SDAD1: variants seen among roughly 807,000 people sequenced by gnomAD.
SDAD1 encodes protein SDA1 homolog.
SDAD1 carries 79 observed loss-of-function variants against 100.3 expected under a neutral mutation model. The observed-to-expected ratio is 0.79, with a 90% CI of 0.66 to 0.95. The LOEUF is 0.95. Among genes scored for constraint, SDAD1 ranks in the 40% least tolerant of loss-of-function variants. The pLI, the probability that SDAD1 is intolerant of heterozygous loss-of-function variation, is 0.00. For synonymous variants in SDAD1, 267 were observed against 271.4 expected (o/e 0.98, Z 0.16); for missense variants, 790 against 810.9 (o/e 0.97, Z 0.31).
Position 75,965,749 on chromosome 4 carries a change from G to A in SDAD1, c.1104+15C>T, listed in dbSNP as rs1173494387. The A allele has an allele frequency of 2.5e-6, 4 of 1,610,804 alleles. No homozygotes were observed. Among genetic ancestry groups the A allele is most frequent in the Middle Eastern group, 1.7e-4 (1 of 6,052 alleles). The stretch of plus-strand genomic sequence containing the variant: ...TCCATGCCCTAGGTCCAGAAGTCAG[G>A]TTACAGGTTCTCACCTCTGGGGGTA... On this transcript the variant is annotated intron_variant, in intron 13 of 21. Transcript: ENST00000356260.
intron 9 of SDAD1, among the ~76,000 whole-genome samples, 153 bp downstream of exon 9, chr4:75,971,204 T>C (rs895792079): frequency 1.1e-4 from 17 of 152,224 alleles, no homozygotes; most frequent in African/African-American, 4.1e-4. Flanking sequence ...AATACATTTA[T>C]TCATCTAAAA....
intron 1 of SDAD1, among the ~76,000 whole-genome samples, chr4:75,983,712 C>CA (rs1730692770): frequency 1.3e-5 from 2 of 152,074 alleles, no homozygotes; most frequent in African/African-American, 4.8e-5. Flanking sequence ...GGATAGATTG[C>CA]AAAAATTTTC....
intron 12 of SDAD1, among the ~76,000 whole-genome samples, chr4:75,966,117 G>C (rs1729523832): frequency 1.3e-5 from 2 of 151,948 alleles, no homozygotes; most frequent in African/African-American, 4.8e-5. Context: ...ATCTTTACCT[G>C]GACATATTAT....
rs979774835 is a variant in SDAD1, at chr4:75,966,370, G to A, written c.1046-548C>T. ...GTAACAAACAAGGCCACTGGCAAAA[G>A]AAGTGAGGTGAATCCTGATTTTCCA... On this transcript the variant is annotated intron_variant, in intron 12 of 21. Coordinates refer to ENST00000356260, the MANE Select transcript of SDAD1 (RefSeq NM_018115.4). Among the ~76,000 whole-genome samples the A allele has an allele frequency of 2.0e-5, 3 of 151,606 alleles. No individual in the cohort carries two copies. In the East Asian group the frequency reaches 5.8e-4, roughly 30 times the overall value.
At chr4:75,961,412 T>G (rs1578120462) in intron 14 of SDAD1, 104 bp from the exon 15 acceptor site, 1 of 830,024 alleles carries the variant, frequency 1.2e-6, no homozygotes, top group Non-Finnish European at 1.9e-6. Context: ...GAAAACACGT[T>G]GAGTTTTATA....
chr4:75,978,982 G>GAAAAAAAAAAAAAAAAAAAAAAAAAA (rs538009004), intron 3 of SDAD1, among the ~76,000 whole-genome samples: 4 of 38,064 alleles, frequency 1.1e-4, no homozygotes, highest in Admixed American at 4.2e-4. Context: ...CCCTGTCTCA[G>GAAAAAAAAAAAAAAAAAAAAAAAAAA]AAAAAAAAAA....
intron 8 of SDAD1, 39 bp downstream of exon 8, chr4:75,973,278 T>A: frequency 6.6e-7 from 1 of 1,522,586 alleles, no homozygotes; most frequent in Non-Finnish European, 9.1e-7. Context: ...AGAGCAATAA[T>A]AAAAGGTAAG....
At chr4:75,970,283 G>C (rs1729789449) in intron 10 of SDAD1, 26 bp downstream of exon 10, 1 of 1,593,042 alleles carries the variant, frequency 6.3e-7, no homozygotes, top group Non-Finnish European at 8.6e-7. Context: ...AGGCCAACAA[G>C]GAACTCGGAC....
At chr4:75,970,399 AT>A in intron 9 of SDAD1, 21 bp from the exon 10 acceptor site, 1 of 1,583,570 alleles carries the variant, frequency 6.3e-7, no homozygotes, top group Non-Finnish European at 8.7e-7. Flanking sequence ...GAGGAAAAAC[AT>A]TTTCAGTCTG....
chr4:75,955,667 G>A (rs1443296445), intron 21 of SDAD1, among the ~76,000 whole-genome samples: 1 of 152,192 alleles, frequency 6.6e-6, no homozygotes, highest in African/African-American at 2.4e-5. Flanking sequence ...GCATGGGAAG[G>A]AACCTCATGG....
intron 14 of SDAD1, 78 bp downstream of exon 14, chr4:75,964,057 A>G: frequency 1.1e-6 from 1 of 936,614 alleles, no homozygotes; most frequent in East Asian, 2.5e-5. Flanking sequence ...ACCAGCTACA[A>G]TCTTACATCT....
intron 1 of SDAD1, among the ~76,000 whole-genome samples, chr4:75,986,418 C>T (rs1036443583): frequency 7.2e-5 from 11 of 152,200 alleles, no homozygotes; most frequent in African/African-American, 1.9e-4. Flanking sequence ...TCCCCATTCT[C>T]AGCAGATGAT....
At chr4:75,984,372 G>T (rs978727889) in intron 1 of SDAD1, among the ~76,000 whole-genome samples, 1 of 151,852 alleles carries the variant, frequency 6.6e-6, no homozygotes, top group African/African-American at 2.4e-5. Context: ...TCTTTATGTT[G>T]CCCAGGCTGG....
chr4:75,979,548 C>T (rs1205707066), intron 3 of SDAD1, among the ~76,000 whole-genome samples: 5 of 151,836 alleles, frequency 3.3e-5, no homozygotes, highest in African/African-American at 1.2e-4. Flanking sequence ...CTCCGCCTCC[C>T]AGGTTCAAGC....
chr4:75,990,274 ACC>A (rs11294605), intron 1 of SDAD1, among the ~76,000 whole-genome samples: 38,334 of 119,732 alleles, frequency 0.32, 5,086 homozygotes, highest in East Asian at 0.52. Context: ...TGCTTGAGAA[ACC>A]CCCCCCCCCC....
In SDAD1 at chr4:75,965,824, T is replaced by C. The variant is rs1188877169; in HGVS notation, c.1046-2A>G. 4 of 1,613,220 alleles carry C rather than the reference T, an allele frequency of 2.5e-6. No homozygotes were observed. The South Asian group carries it at 4.4e-5, about 18-fold the overall frequency. ...CAAACAGAAGGATCTTGGTTACTTC[T>C]GAAAACATAAGAGAACAGAAAGGTC... is the stretch of plus-strand genomic sequence containing the variant. On this transcript the variant is annotated splice_acceptor_variant, in intron 12 of 21. Transcript: ENST00000356260. LOFTEE classifies it high-confidence loss of function.
At chr4:75,985,462 C>T (rs1412834043) in intron 1 of SDAD1, among the ~76,000 whole-genome samples, 1 of 152,144 alleles carries the variant, frequency 6.6e-6, no homozygotes, top group Non-Finnish European at 1.5e-5. Flanking sequence ...ATCCTTTCTC[C>T]TCAACTGTCC....
Position 75,957,314 on chromosome 4 carries a change from T to G in SDAD1, c.1854+11A>C, listed in dbSNP as rs188981143. ...TCTGTTTAAAAAACTAGGAATGATA[T>G]GCTCACTCACCATTGCAGTTGCTAG... On this transcript the variant is annotated intron_variant, in intron 20 of 21. Coordinates refer to ENST00000356260, the MANE Select transcript of SDAD1 (RefSeq NM_018115.4). 9.3e-6 allele frequency: 15 copies of G among 1,607,196 alleles called. No homozygotes were observed. In the African/African-American group the frequency reaches 1.7e-4, roughly 19 times the overall value.
chr4:75,975,329 G>A (rs1200532726), intron 6 of SDAD1, among the ~76,000 whole-genome samples: 1 of 152,156 alleles, frequency 6.6e-6, no homozygotes, highest in African/African-American at 2.4e-5. Flanking sequence ...ATATAAATAG[G>A]ATGAATTGAC....
Sources: gnomAD v4.1 joint callset for allele counts (sites outside exome capture counted in the v4.1 genomes callset) on GRCh38, gnomAD v4.1.1 for gene constraint, MANE v1.5 for transcripts, NCBI Gene and HGNC (gene_info 2026-07-23, HGNC 2026-07-21) for gene names.